Variants in DCC observed in about 807,000 individuals in gnomAD.
DCC encodes netrin receptor DCC.
DCC carries 58 observed loss-of-function variants against 172.5 expected under a neutral mutation model. That is an observed-to-expected ratio of 0.34 (90% CI 0.27 to 0.42). The LOEUF (loss-of-function observed/expected upper bound fraction) is 0.42, where lower values mean the gene tolerates loss of function less well. Among genes scored for constraint, DCC ranks in the 10% least tolerant of loss-of-function variants. The pLI, the probability that DCC is intolerant of heterozygous loss-of-function variation, is 1.00. For synonymous variants in DCC, 709 were observed against 644.5 expected, an observed-to-expected ratio of 1.10 and a Z score of -1.52; for missense variants, 1,740 against 1,791.0, an observed-to-expected ratio of 0.97 and a Z score of 0.51.
chr18:52,392,006 A>T (rs751891432), intron 1 of DCC, among the ~76,000 whole-genome samples: 2 of 152,192 alleles, frequency 1.3e-5, no homozygotes, highest in Non-Finnish European at 2.9e-5. Flanking sequence ...CGAGTCCACA[A>T]ATTCTTGGCA....
intron 5 of DCC, among the ~76,000 whole-genome samples, chr18:53,006,833 T>C (rs2041653626): frequency 6.6e-6 from 1 of 152,176 alleles, no homozygotes; most frequent in Non-Finnish European, 1.5e-5. Flanking sequence ...TGTCAATAAA[T>C]ATGTGGCTGC....
chr18:53,393,914 C>CCTCTCTCTCTCTCTCTCTCT (rs1323959382), intron 17 of DCC, among the ~76,000 whole-genome samples: 628 of 108,148 alleles, frequency 5.8e-3, no homozygotes, highest in Non-Finnish European at 1.0e-2. Flanking sequence ...TCTCTCTCTC[C>CCTCTCTCTCTCTCTCTCTCT]CTCTCTCCCT....
At chr18:53,127,546 C>T (rs941159520) in intron 7 of DCC, among the ~76,000 whole-genome samples, 7 of 152,054 alleles carry the variant, frequency 4.6e-5, no homozygotes, top group Non-Finnish European at 1.0e-4. Context: ...CCCACTATCA[C>T]CAGTCCCATT....
intron 2 of DCC, among the ~76,000 whole-genome samples, chr18:52,903,868 G>A (rs1223594081): frequency 6.6e-6 from 1 of 152,194 alleles, no homozygotes; most frequent in East Asian, 1.9e-4. Context: ...CCAATCTGTA[G>A]TAGATTAACG....
At chr18:53,326,062 C>A (rs923072892) in intron 14 of DCC, among the ~76,000 whole-genome samples, 11 of 152,180 alleles carry the variant, frequency 7.2e-5, no homozygotes, top group African/African-American at 2.7e-4. Context: ...AACTGTTACT[C>A]CCTTACCAGT....
At chr18:53,272,615 T>C (rs2056761532) in intron 12 of DCC, among the ~76,000 whole-genome samples, 1 of 152,162 alleles carries the variant, frequency 6.6e-6, no homozygotes, top group Non-Finnish European at 1.5e-5. Context: ...ATTCATTCCT[T>C]CACATAGTCA....
At chr18:52,801,441 T>C (rs1229552425) in intron 2 of DCC, among the ~76,000 whole-genome samples, 1 of 152,148 alleles carries the variant, frequency 6.6e-6, no homozygotes, top group Non-Finnish European at 1.5e-5. Context: ...AGTTTTTCTT[T>C]ATGGGTGAAA....
chr18:53,243,675 G>C (rs887360191), intron 12 of DCC, among the ~76,000 whole-genome samples: 1 of 152,086 alleles, frequency 6.6e-6, no homozygotes, highest in African/African-American at 2.4e-5. Flanking sequence ...TGAACGCTTG[G>C]AAACTATCAT....
chr18:52,459,872 G>T (rs1378320414), intron 1 of DCC, among the ~76,000 whole-genome samples: 1 of 144,024 alleles, frequency 6.9e-6, no homozygotes, highest in Non-Finnish European at 1.5e-5. Context: ...TTTTATGGCT[G>T]CATAGTATTC....
At chr18:53,258,408 T>C (rs931205197) in intron 12 of DCC, among the ~76,000 whole-genome samples, 5 of 152,214 alleles carry the variant, frequency 3.3e-5, no homozygotes, top group Non-Finnish European at 1.5e-5. Flanking sequence ...TCTGATATGT[T>C]GTATCTTTGT....
chr18:52,824,262 T>C (rs1159726388), intron 2 of DCC, among the ~76,000 whole-genome samples: 2 of 152,218 alleles, frequency 1.3e-5, no homozygotes, highest in South Asian at 2.1e-4. Context: ...GTTATTCTGT[T>C]TCTTTTACTC....
intron 7 of DCC, among the ~76,000 whole-genome samples, chr18:53,124,619 A>T (rs2043529159): frequency 6.6e-6 from 1 of 152,062 alleles, no homozygotes; most frequent in Non-Finnish European, 1.5e-5. Context: ...GTCCTGTAAG[A>T]CTGGGAGGGG....
chr18:53,466,487 T>C (rs552261329), intron 24 of DCC, among the ~76,000 whole-genome samples: 20 of 152,280 alleles, frequency 1.3e-4, no homozygotes, highest in African/African-American at 4.8e-4. Flanking sequence ...TCTTTTCTGT[T>C]TTGTGATTCT....
intron 2 of DCC, among the ~76,000 whole-genome samples, chr18:52,821,059 C>G (rs1163183698): frequency 1.3e-5 from 2 of 152,044 alleles, no homozygotes; most frequent in African/African-American, 4.8e-5. Flanking sequence ...TTCATAGTTT[C>G]TCTTCTCTTC....
chr18:52,391,138 A>G (rs553361262), intron 1 of DCC, among the ~76,000 whole-genome samples: 1 of 152,246 alleles, frequency 6.6e-6, no homozygotes, highest in East Asian at 1.9e-4. Context: ...AAGATGAAGG[A>G]ACAGAAACTT....
At chr18:53,164,141 A>G (rs1568340339) in intron 8 of DCC, among the ~76,000 whole-genome samples, 1 of 152,188 alleles carries the variant, frequency 6.6e-6, no homozygotes, top group Non-Finnish European at 1.5e-5. Context: ...GAATTATGAC[A>G]TGCAATTCTT....
intron 7 of DCC, among the ~76,000 whole-genome samples, chr18:53,132,476 T>C (rs2144323814): frequency 6.6e-6 from 1 of 152,294 alleles, no homozygotes; most frequent in South Asian, 2.1e-4. Flanking sequence ...CTTTCCATTC[T>C]GATCCTCACT....
At chr18:53,472,025 A>G (rs2045702951) in intron 25 of DCC, among the ~76,000 whole-genome samples, 1 of 152,154 alleles carries the variant, frequency 6.6e-6, no homozygotes, top group Non-Finnish European at 1.5e-5. Flanking sequence ...TGCACTCAAT[A>G]CCATTTAGTC....
chr18:52,565,604 C>G (rs1265576012), intron 1 of DCC, among the ~76,000 whole-genome samples: 1 of 152,040 alleles, frequency 6.6e-6, no homozygotes, highest in Non-Finnish European at 1.5e-5. Context: ...ATAATGAGCT[C>G]TTTTTCATAT....
Sources: allele counts gnomAD v4.1 joint callset (sites outside exome capture counted in the v4.1 genomes callset), GRCh38; gene constraint gnomAD v4.1.1; transcripts MANE v1.5; gene names NCBI Gene and HGNC (gene_info 2026-07-23, HGNC 2026-07-21).